Variants in GALNT13 observed in about 807,000 individuals in gnomAD.
The protein encoded by GALNT13 is UDP-GalNAc:polypeptide N-acetylgalactosaminyltransferase 13.
A neutral mutation model predicts 64.2 loss-of-function variants in GALNT13; 28 were observed. That is an observed-to-expected ratio of 0.44 (90% confidence interval 0.32 to 0.60). GALNT13 has a LOEUF of 0.60. Among genes scored for constraint, GALNT13 ranks in the 20% least tolerant of loss-of-function variants. The probability of loss-of-function intolerance (pLI) is 0.05; values close to 1 mark genes in which losing one functional copy is unlikely to be tolerated. For synonymous variants in GALNT13, 214 were observed against 224.6 expected, an observed-to-expected ratio of 0.95 and a Z score of 0.42; for missense variants, 577 against 669.8, an observed-to-expected ratio of 0.86 and a Z score of 1.53.
intron 4 of GALNT13, among the ~76,000 whole-genome samples, chr2:154,205,532 A>G (rs1014359693): frequency 2.0e-5 from 3 of 152,210 alleles, no homozygotes; most frequent in African/African-American, 7.2e-5. Flanking sequence ...TAGACACTGT[A>G]TTAGTTCATT....
chr2:153,469,310 A>C, the GALNT13 span, among the ~76,000 whole-genome samples: 1 of 152,080 alleles, frequency 6.6e-6, no homozygotes, highest in Admixed American at 6.6e-5. Context: ...GATGAGCTGC[A>C]TGAGAAACAA....
intron 7 of GALNT13, 30 bp downstream of exon 7, chr2:154,246,012 G>A (rs752189198): frequency 2.0e-6 from 3 of 1,476,084 alleles, no homozygotes; most frequent in African/African-American, 2.8e-5. Flanking sequence ...TGAAGATTAT[G>A]TATATCCCCC....
At chr2:153,571,416 C>G in the GALNT13 span, among the ~76,000 whole-genome samples, 2 of 151,928 alleles carry the variant, frequency 1.3e-5, no homozygotes, top group South Asian at 4.2e-4. Context: ...GATAATTTGA[C>G]TTCTTTCAAA....
At chr2:153,584,451 C>T in the GALNT13 span, among the ~76,000 whole-genome samples, 1 of 152,228 alleles carries the variant, frequency 6.6e-6, no homozygotes, top group Non-Finnish European at 1.5e-5. Context: ...GTGCCATCTA[C>T]TGGCCCACAC....
intron 9 of GALNT13, among the ~76,000 whole-genome samples, chr2:154,339,534 AT>A (rs1695638703): frequency 6.6e-6 from 1 of 152,150 alleles, no homozygotes; most frequent in Non-Finnish European, 1.5e-5. Flanking sequence ...AATTGCTGGA[AT>A]TTTAAAATGT....
chr2:154,397,842 G>C (rs1211192370), intron 10 of GALNT13, among the ~76,000 whole-genome samples: 1 of 152,068 alleles, frequency 6.6e-6, no homozygotes, highest in East Asian at 1.9e-4. Flanking sequence ...TAATAGCATT[G>C]ATTTTACCAC....
chr2:153,506,182 A>T, the GALNT13 span, among the ~76,000 whole-genome samples: 1 of 151,978 alleles, frequency 6.6e-6, no homozygotes, highest in Non-Finnish European at 1.5e-5. Flanking sequence ...TTTGGTGTCC[A>T]TTTGTATGGA....
At chr2:153,934,783 A>C (rs574120573) in intron 2 of GALNT13, among the ~76,000 whole-genome samples, 1 of 152,298 alleles carries the variant, frequency 6.6e-6, no homozygotes, top group Non-Finnish European at 1.5e-5. Flanking sequence ...CTACTATTTT[A>C]TAATAAACAT....
chr2:153,645,370 T>A, the GALNT13 span, among the ~76,000 whole-genome samples: 1 of 152,156 alleles, frequency 6.6e-6, no homozygotes, highest in Non-Finnish European at 1.5e-5. Flanking sequence ...TAGAACATAG[T>A]TGATTTTTTT....
intron 9 of GALNT13, among the ~76,000 whole-genome samples, chr2:154,338,496 T>C (rs1695575768): frequency 1.3e-5 from 2 of 152,036 alleles, no homozygotes; most frequent in South Asian, 2.1e-4. Context: ...AATTACTATC[T>C]TGAAGGAGGA....
intron 3 of GALNT13, among the ~76,000 whole-genome samples, chr2:154,023,333 CTT>C (rs1328530960): frequency 6.6e-6 from 1 of 152,126 alleles, no homozygotes; most frequent in Non-Finnish European, 1.5e-5. Context: ...GTATAAGTCT[CTT>C]TGTAGGTCAC....
At chr2:154,339,983 T>C (rs1395730812) in intron 9 of GALNT13, among the ~76,000 whole-genome samples, 1 of 152,150 alleles carries the variant, frequency 6.6e-6, no homozygotes, top group Non-Finnish European at 1.5e-5. Context: ...ATTTTGCAGG[T>C]GTATTAGGTC....
chr2:153,927,807 G>C (rs1353074818), intron 2 of GALNT13, among the ~76,000 whole-genome samples: 1 of 152,008 alleles, frequency 6.6e-6, no homozygotes, highest in African/African-American at 2.4e-5. Context: ...TATTAAATAT[G>C]TTTATATAAG....
the GALNT13 span, among the ~76,000 whole-genome samples, chr2:153,613,174 C>T: frequency 6.6e-6 from 1 of 152,064 alleles, no homozygotes. Context: ...TTAATTTGAC[C>T]ATACAACAGA....
At chr2:153,517,640 G>T in the GALNT13 span, among the ~76,000 whole-genome samples, 17 of 152,036 alleles carry the variant, frequency 1.1e-4, no homozygotes, top group Non-Finnish European at 2.2e-4. Flanking sequence ...ATGAATAATT[G>T]AATAAGTAAA....
chr2:153,998,395 G>T (rs1695665676), intron 3 of GALNT13, among the ~76,000 whole-genome samples: 1 of 152,132 alleles, frequency 6.6e-6, no homozygotes, highest in Non-Finnish European at 1.5e-5. Context: ...GATGACCAGT[G>T]ATAATGAGCT....
chr2:154,438,510 C>A, intron 11 of GALNT13, 82 bp from the exon 12 acceptor site: 1 of 983,164 alleles, frequency 1.0e-6, no homozygotes, highest in Non-Finnish European at 1.5e-6. Context: ...TTATCTGATA[C>A]GAAAGCTTCC....
chr2:154,254,939 C>T lies in GALNT13; in HGVS notation c.858-4082C>T, dbSNP rs114863368. Among the ~76,000 whole-genome samples, 371 of 152,180 alleles carry T rather than the reference C, an allele frequency of 2.4e-3. 3 individuals are homozygous for T. Among genetic ancestry groups the T allele is most frequent in the African/African-American group, 8.6e-3 (358 of 41,526 alleles). On this transcript the variant is annotated intron_variant, in intron 7 of 12. Transcript: ENST00000392825. Reference sequence around the variant, plus strand: ...GAGAGACCCTTGGGAGGACTAATTTCAGATGAGAGAAGAAATTATTAAATG... The same window carrying T: ...GAGAGACCCTTGGGAGGACTAATTTTAGATGAGAGAAGAAATTATTAAATG...
chr2:154,015,814 C>T (rs959964215), intron 3 of GALNT13, among the ~76,000 whole-genome samples: 1 of 152,018 alleles, frequency 6.6e-6, no homozygotes, highest in African/African-American at 2.4e-5. Flanking sequence ...TACTCTCCTG[C>T]CTAAAAAGAA....
Sources: allele counts gnomAD v4.1 joint callset (sites outside exome capture counted in the v4.1 genomes callset), GRCh38; gene constraint gnomAD v4.1.1; transcripts MANE v1.5; gene names NCBI Gene and HGNC (gene_info 2026-07-23, HGNC 2026-07-21).